The following SLC20A1 variants were observed in gnomAD, a reference collection of about 807,000 sequenced individuals.
The protein encoded by SLC20A1 is sodium-dependent phosphate transporter 1.
A neutral mutation model predicts 62.7 loss-of-function variants in SLC20A1; 28 were observed. The ratio of observed to expected loss-of-function variants is 0.45; its 90% CI spans 0.33 to 0.61. The LOEUF is 0.61. SLC20A1 is among the 20% of genes least tolerant of loss of function. The pLI is 0.02. For missense variants in SLC20A1, 673 were observed against 838.6 expected (o/e 0.80, Z 2.44); for synonymous variants, 305 against 302.9 (o/e 1.01, Z -0.07).
In SLC20A1 at chr2:112,663,082, T is replaced by C. The variant is rs1345548250; in HGVS notation, c.*57T>C. ...TTGGGACCATCTTAGGTATTCCTGC[T>C]CCCCTGAAGAATGATTACAGTGTTA... On this transcript the variant is annotated 3_prime_UTR_variant, in exon 11 of 11. Transcript: ENST00000272542. 1.3e-6 allele frequency: 2 copies of C among 1,571,692 alleles called. No homozygotes were observed. The highest frequency in any genetic ancestry group is 1.8e-6 in the Non-Finnish European group (2 of 1,142,308).
At chr2:112,654,331 A>G (rs552266197) in intron 5 of SLC20A1, among the ~76,000 whole-genome samples, 91 of 152,334 alleles carry the variant, frequency 6.0e-4, no homozygotes, top group African/African-American at 2.2e-3. Flanking sequence ...AAAGTCTCCC[A>G]TGATGCTCTT....
intron 5 of SLC20A1, 79 bp downstream of exon 5, chr2:112,652,877 T>C (rs1362650782): frequency 6.2e-7 from 1 of 1,612,904 alleles, no homozygotes; most frequent in Non-Finnish European, 8.5e-7. Context: ...TTTACCCCTT[T>C]TTGCTTTACA....
Position 112,660,376 on chromosome 2 carries a change from G to A in SLC20A1, c.1608-11G>A, listed in dbSNP as rs761741224. 2.5e-6 allele frequency: 4 copies of A among 1,612,404 alleles called. No individual in the cohort carries two copies. The highest frequency in any genetic ancestry group is 1.1e-5 in the South Asian group (1 of 90,890). On this transcript the variant is annotated splice_polypyrimidine_tract_variant and intron_variant, in intron 8 of 10. Transcript: ENST00000272542. ...CTGAAAAGTCACTTCTGCCCTCTTT[G>A]TTTCTTCCAGCAATGCCATTGGGCC...
At chr2:112,657,388 T>A in intron 6 of SLC20A1, 147 bp downstream of exon 6, 2 of 846,456 alleles carry the variant, frequency 2.4e-6, no homozygotes, top group Non-Finnish European at 3.5e-6. Context: ...TTGTCCAAAC[T>A]GTTTTTAGAA....
chr2:112,655,025 G>A (rs1255586296), intron 5 of SLC20A1, among the ~76,000 whole-genome samples: 1 of 136,644 alleles, frequency 7.3e-6, no homozygotes, highest in Non-Finnish European at 1.5e-5. Flanking sequence ...TTGGAGTGCA[G>A]TGGTGCGAAC....
intron 4 of SLC20A1, among the ~76,000 whole-genome samples, chr2:112,649,963 A>G (rs1178203821): frequency 1.3e-5 from 2 of 152,228 alleles, no homozygotes; most frequent in Admixed American, 6.5e-5. Context: ...GTGGATCTCT[A>G]CAATGATGAG....
chr2:112,655,711 T>C (rs1329974227), intron 5 of SLC20A1, among the ~76,000 whole-genome samples: 1 of 152,148 alleles, frequency 6.6e-6, no homozygotes, highest in African/African-American at 2.4e-5. Flanking sequence ...TCGTTTGTTT[T>C]TGTGACGGAG....
Position 112,646,819 on chromosome 2 carries a change from A to G in SLC20A1, c.-10A>G. The G allele has an allele frequency of 6.3e-7, 1 of 1,598,210 alleles. No individual in the cohort carries two copies. Among genetic ancestry groups the G allele is most frequent in the Non-Finnish European group, 8.6e-7 (1 of 1,169,406 alleles). ...GTAGTTCTCTTACTAAACAACCACTACTCCAGAGAATGGCAACGCTGATTA... is the reference window on the plus strand; with the variant it reads ...GTAGTTCTCTTACTAAACAACCACTGCTCCAGAGAATGGCAACGCTGATTA... On this transcript the variant is annotated 5_prime_UTR_variant, in exon 2 of 11. Transcript: ENST00000272542.
At position 112,646,794 on chromosome 2, in the gene SLC20A1, G is replaced by A. The variant is rs762885567; in HGVS notation, c.-35G>A. On this transcript the variant is annotated 5_prime_UTR_variant, in exon 2 of 11. Coordinates refer to ENST00000272542, the MANE Select transcript of SLC20A1 (RefSeq NM_005415.5). ...GTTTACACATCTTGAAAGGCGCTCA[G>A]TAGTTCTCTTACTAAACAACCACTA... 1.1e-5 allele frequency: 16 copies of A among 1,500,510 alleles called. No individual in the cohort carries two copies. Among genetic ancestry groups the A allele is most frequent in the Middle Eastern group, 1.7e-4 (1 of 5,720 alleles). The allele number at this position is 1,500,510 out of a possible 1,614,324, so 92.9% of individuals were successfully genotyped here.
Position 112,661,171 on chromosome 2 carries a change from T to A in SLC20A1, c.1823T>A (p.Leu608His). Reference sequence around the variant, plus strand: ...TTCAGTATTGAACTGGCATCTGCCCTCACTGTGGTGATTGCATCAAATATT... The same window carrying A: ...TTCAGTATTGAACTGGCATCTGCCCACACTGTGGTGATTGCATCAAATATT... ...SGFSIELASALTVVIASNIGL... is the reference protein window; with the variant it reads ...SGFSIELASAHTVVIASNIGL... Residue 608 changes from leucine (L) to histidine (H), a missense_variant, in exon 10 of 11, where the codon CTC becomes CAC. Leu to His is a moderately conservative substitution (Grantham distance 99). Coordinates refer to ENST00000272542, the MANE Select transcript of SLC20A1 (RefSeq NM_005415.5). The A allele has an allele frequency of 6.2e-7, 1 of 1,614,130 alleles. No individual in the cohort carries two copies. Among genetic ancestry groups the A allele is most frequent in the Non-Finnish European group, 8.5e-7 (1 of 1,179,970 alleles).
At chr2:112,654,906 AAAAAAAGTTCAAAAAC>A (rs1054372956) in intron 5 of SLC20A1, among the ~76,000 whole-genome samples, 1 of 151,058 alleles carries the variant, frequency 6.6e-6, no homozygotes, top group African/African-American at 2.4e-5. Context: ...AAAAAAAAAA[AAAAAAAGTTCAAAAAC>A]AAAAAAAGTT....
intron 5 of SLC20A1, 98 bp from the exon 6 acceptor site, chr2:112,657,024 T>G: frequency 2.1e-6 from 3 of 1,401,374 alleles, no homozygotes; most frequent in Non-Finnish European, 3.0e-6. Context: ...GGTGATGGGC[T>G]GGTATGGGGA....
intron 5 of SLC20A1, 142 bp downstream of exon 5, chr2:112,652,940 A>T: frequency 6.4e-7 from 1 of 1,573,974 alleles, no homozygotes; most frequent in Non-Finnish European, 8.6e-7. Context: ...AGAAGGCTGC[A>T]GGCTAGTGTA....
intron 7 of SLC20A1, 48 bp from the exon 8 acceptor site, chr2:112,659,156 G>C (rs1324944688): frequency 3.1e-6 from 5 of 1,605,252 alleles, no homozygotes; most frequent in Non-Finnish European, 4.3e-6. Context: ...TTATTGTTTT[G>C]GATTTGATGC....
chr2:112,655,395 C>T (rs1316568644), intron 5 of SLC20A1, among the ~76,000 whole-genome samples: 2 of 151,936 alleles, frequency 1.3e-5, no homozygotes, highest in Admixed American at 1.3e-4. Flanking sequence ...TTTATAGGTA[C>T]ATAACCTCAT....
chr2:112,658,076 G>A (rs1686644862), intron 6 of SLC20A1, among the ~76,000 whole-genome samples: 1 of 152,242 alleles, frequency 6.6e-6, no homozygotes, highest in East Asian at 1.9e-4. Context: ...GAGAGGTTCT[G>A]TGCTAGTCTG....
chr2:112,656,069 A>C lies in SLC20A1; in HGVS notation c.659-1053A>C, dbSNP rs535915224. 3.3e-5 allele frequency among the ~76,000 whole-genome samples: 5 copies of C among 152,252 alleles called. No individual in the cohort carries two copies. In the South Asian group the frequency reaches 1.0e-3, roughly 32 times the overall value. On this transcript the variant is annotated intron_variant, in intron 5 of 10. Transcript: ENST00000272542. Reference sequence around the variant, plus strand: ...CTACTGGCGTGCATATGACAGTCAGATAATGACTAATATTACTCATTCTTA... The same window carrying C: ...CTACTGGCGTGCATATGACAGTCAGCTAATGACTAATATTACTCATTCTTA...
intron 5 of SLC20A1, among the ~76,000 whole-genome samples, chr2:112,656,713 A>G (rs1686597917): frequency 6.8e-6 from 1 of 146,702 alleles, no homozygotes; most frequent in Non-Finnish European, 1.5e-5. Flanking sequence ...TAACATTAAA[A>G]TAAGTTTGTA....
In SLC20A1 at chr2:112,663,494, T is replaced by C. The variant is rs953873122; in HGVS notation, c.*469T>C. ...CTACAACTTCCCTTGTAGTCTCTTA[T>C]ATAAGTAGAGTCCTTGGTACTCTGC... On this transcript the variant is annotated 3_prime_UTR_variant, in exon 11 of 11. Transcript: ENST00000272542. 2 of 297,290 alleles carry C rather than the reference T, an allele frequency of 6.7e-6. No individual in the cohort carries two copies. The highest frequency in any genetic ancestry group is 2.2e-5 in the African/African-American group (1 of 44,698). The allele number at this position is 297,290 out of a possible 1,614,324, so 18.4% of individuals were successfully genotyped here.
Sources: gnomAD v4.1 joint callset for allele counts (sites outside exome capture counted in the v4.1 genomes callset) on GRCh38, gnomAD v4.1.1 for gene constraint, MANE v1.5 for transcripts, NCBI Gene and HGNC (gene_info 2026-07-23, HGNC 2026-07-21) for gene names.